STPG2: variants seen among roughly 807,000 people sequenced by gnomAD.
The protein encoded by STPG2 is sperm tail PG-rich repeat containing 2, also known as sperm-tail PG-rich repeat-containing protein 2.
In STPG2, 56 loss-of-function variants were observed where a neutral mutation model predicts 54.2. The ratio of observed to expected loss-of-function variants is 1.03; its 90% CI spans 0.83 to 1.29. STPG2 has a LOEUF of 1.29. Among genes scored for constraint, STPG2 ranks in the 50% most tolerant of loss-of-function variants. The pLI, the probability that STPG2 is intolerant of heterozygous loss-of-function variation, is 0.00. For synonymous variants in STPG2, 200 were observed against 181.8 expected (o/e 1.10, Z -0.81); for missense variants, 596 against 544.9 (o/e 1.09, Z -0.93).
At chr4:97,679,551 A>G (rs1000522999) in intron 10 of STPG2, among the ~76,000 whole-genome samples, 27 of 151,248 alleles carry the variant, frequency 1.8e-4, no homozygotes, top group Non-Finnish European at 3.0e-5. Flanking sequence ...AGTAGGTTGC[A>G]AAAATTTTCT....
chr4:97,861,275 TA>T (rs1363041981), intron 8 of STPG2, among the ~76,000 whole-genome samples: 1 of 151,644 alleles, frequency 6.6e-6, no homozygotes, highest in Non-Finnish European at 1.5e-5. Context: ...GAAATGAAAA[TA>T]AAAAACTATA....
intron 10 of STPG2, among the ~76,000 whole-genome samples, chr4:97,700,443 G>A (rs527667099): frequency 2.5e-4 from 38 of 152,280 alleles, no homozygotes; most frequent in African/African-American, 9.1e-4. Context: ...TGTAGAAGGG[G>A]TCAAATGCAG....
chr4:97,862,523 A>C (rs1729591850), intron 8 of STPG2, among the ~76,000 whole-genome samples: 1 of 152,094 alleles, frequency 6.6e-6, no homozygotes, highest in Non-Finnish European at 1.5e-5. Context: ...CATGGTCAAC[A>C]TTAGACAGAT....
At chr4:97,830,717 T>A (rs565818695) in intron 9 of STPG2, among the ~76,000 whole-genome samples, 3 of 151,796 alleles carry the variant, frequency 2.0e-5, no homozygotes, top group Non-Finnish European at 4.4e-5. Context: ...CAAGCAGAGG[T>A]TGCAATCCTA....
intron 5 of STPG2, chr4:98,026,092 G>A (rs930920793): frequency 6.5e-5 from 88 of 1,363,776 alleles, no homozygotes; most frequent in Middle Eastern, 5.3e-4. Context: ...TGATGGAGAT[G>A]TATAGGAAAG....
intron 10 of STPG2, among the ~76,000 whole-genome samples, chr4:97,634,164 C>T (rs977899433): frequency 6.6e-6 from 1 of 152,166 alleles, no homozygotes; most frequent in South Asian, 2.1e-4. Context: ...CAGACTGCCT[C>T]CTCAAGTGGG....
intron 9 of STPG2, among the ~76,000 whole-genome samples, chr4:97,755,983 A>G (rs1725721000): frequency 6.6e-6 from 1 of 152,104 alleles, no homozygotes; most frequent in Admixed American, 6.6e-5. Flanking sequence ...AAGCCCTTCA[A>G]ATTCAGGTTT....
chr4:97,682,471 C>G (rs1723065476), intron 10 of STPG2, among the ~76,000 whole-genome samples: 1 of 151,794 alleles, frequency 6.6e-6, no homozygotes, highest in South Asian at 2.1e-4. Context: ...TTCTCCAATA[C>G]AGATACACTT....
chr4:97,969,912 T>TC (rs1440822159), intron 7 of STPG2, among the ~76,000 whole-genome samples: 1 of 152,076 alleles, frequency 6.6e-6, no homozygotes, highest in Non-Finnish European at 1.5e-5. Context: ...TTTAGAAAAC[T>TC]CCATCGTCTC....
At chr4:98,005,106 C>T (rs1735536590) in intron 5 of STPG2, among the ~76,000 whole-genome samples, 1 of 152,066 alleles carries the variant, frequency 6.6e-6, no homozygotes, top group Non-Finnish European at 1.5e-5. Flanking sequence ...AACTTTCAGT[C>T]TGACGTTCAA....
chr4:97,773,313 TTTA>T (rs892431336), intron 9 of STPG2, among the ~76,000 whole-genome samples: 2 of 151,942 alleles, frequency 1.3e-5, no homozygotes, highest in South Asian at 2.1e-4. Flanking sequence ...TACTGTATAA[TTTA>T]TTATTATTAT....
intron 3 of STPG2, among the ~76,000 whole-genome samples, chr4:98,114,869 A>G (rs886629000): frequency 6.6e-6 from 1 of 151,890 alleles, no homozygotes; most frequent in Admixed American, 6.6e-5. Context: ...GTACTCAGGT[A>G]GATGTTGAAT....
At chr4:97,528,834 T>C (rs1189569102) in intron 4 of STPG2, among the ~76,000 whole-genome samples, 1 of 152,224 alleles carries the variant, frequency 6.6e-6, no homozygotes, top group Non-Finnish European at 1.5e-5. Context: ...GCTTGTGATT[T>C]TTGCACATTG....
Position 97,933,358 on chromosome 4 carries a change from T to G in STPG2, c.1044+10539A>C, listed in dbSNP as rs1424232896. Among the ~76,000 whole-genome samples the G allele has an allele frequency of 4.6e-5, 7 of 152,218 alleles. 1 individual carries two copies. Among genetic ancestry groups the G allele is most frequent in the South Asian group, 4.1e-4 (2 of 4,834 alleles). ...AATTTCTTTTGGTGTGCAGAAGCTC[T>G]TTAGTTTAATTAGATCCCAATTGTC... On this transcript the variant is annotated intron_variant, in intron 8 of 10. Transcript: ENST00000295268.
At chr4:97,777,564 T>C (rs966808234) in intron 9 of STPG2, among the ~76,000 whole-genome samples, 1 of 152,238 alleles carries the variant, frequency 6.6e-6, no homozygotes, top group African/African-American at 2.4e-5. Context: ...CTCTAGGGAA[T>C]GGACAAAAGG....
chr4:97,825,123 A>C (rs574183970), intron 9 of STPG2, among the ~76,000 whole-genome samples: 15 of 152,144 alleles, frequency 9.9e-5, no homozygotes, highest in Non-Finnish European at 1.9e-4. Context: ...GGTAAAAAAA[A>C]CTGAAGAGGC....
At chr4:97,936,961 C>A (rs564960600) in intron 8 of STPG2, among the ~76,000 whole-genome samples, 2 of 152,244 alleles carry the variant, frequency 1.3e-5, no homozygotes, top group African/African-American at 4.8e-5. Flanking sequence ...GGATGATATC[C>A]TGAACTGTGT....
intron 10 of STPG2, among the ~76,000 whole-genome samples, chr4:97,584,349 A>T (rs775316408): frequency 6.6e-6 from 1 of 152,004 alleles, no homozygotes; most frequent in Non-Finnish European, 1.5e-5. Context: ...ATAGTGACAA[A>T]ACTTATCAAA....
chr4:97,804,710 C>T (rs184026115), intron 9 of STPG2, among the ~76,000 whole-genome samples: 1 of 152,276 alleles, frequency 6.6e-6, no homozygotes, highest in East Asian at 1.9e-4. Context: ...CACTCACTCA[C>T]TCATCCAAAG....
Sources: gnomAD v4.1 joint callset for allele counts (sites outside exome capture counted in the v4.1 genomes callset) on GRCh38, gnomAD v4.1.1 for gene constraint, MANE v1.5 for transcripts, NCBI Gene and HGNC (gene_info 2026-07-23, HGNC 2026-07-21) for gene names.